Variants in ATP11B observed in about 807,000 individuals in gnomAD.
The protein encoded by ATP11B is phospholipid-transporting ATPase IF.
Under a neutral mutation model 157.8 loss-of-function variants are expected in ATP11B, and 81 were observed. The observed-to-expected ratio is 0.51, with a 90% confidence interval of 0.43 to 0.62. The LOEUF (loss-of-function observed/expected upper bound fraction) is 0.62, where lower values mean the gene tolerates loss of function less well. Among genes scored for constraint, ATP11B ranks in the 20% least tolerant of loss-of-function variants. ATP11B has a pLI of 0.00. For missense variants in ATP11B, 1,165 were observed against 1,402.2 expected, an observed-to-expected ratio of 0.83 and a Z score of 2.70; for synonymous variants, 451 against 469.4, an observed-to-expected ratio of 0.96 and a Z score of 0.51.
At chr3:182,903,493 G>C (rs1724115116) in intron 28 of ATP11B, among the ~76,000 whole-genome samples, 3 of 152,198 alleles carry the variant, frequency 2.0e-5, no homozygotes, top group Admixed American at 1.3e-4. Context: ...AACTCTATGA[G>C]TTCATAATAT....
chr3:182,834,945 T>G (rs533953694), intron 4 of ATP11B, among the ~76,000 whole-genome samples: 1 of 152,360 alleles, frequency 6.6e-6, no homozygotes, highest in African/African-American at 2.4e-5. Flanking sequence ...ATATGTATTA[T>G]ATACTGTATT....
intron 11 of ATP11B, 93 bp from the exon 12 acceptor site, chr3:182,859,069 G>A: frequency 3.7e-6 from 3 of 800,402 alleles, no homozygotes; most frequent in Non-Finnish European, 6.0e-6. Context: ...GATGGTCTAT[G>A]TAGGCATGAA....
At chr3:182,872,931 A>G (rs527623322) in intron 18 of ATP11B, among the ~76,000 whole-genome samples, 5 of 152,124 alleles carry the variant, frequency 3.3e-5, no homozygotes, top group Non-Finnish European at 5.9e-5. Flanking sequence ...TTTTGTGCCT[A>G]TGTTGGCCTT....
chr3:182,806,515 CTCTTT>C (rs1416865054), intron 1 of ATP11B, among the ~76,000 whole-genome samples: 4 of 152,118 alleles, frequency 2.6e-5, no homozygotes, highest in East Asian at 3.9e-4. Context: ...TTCTCTATGG[CTCTTT>C]TCTTATTCTC....
chr3:182,901,844 T>G (rs957489486), intron 28 of ATP11B, among the ~76,000 whole-genome samples: 26 of 152,340 alleles, frequency 1.7e-4, no homozygotes, highest in Middle Eastern at 6.8e-3. Context: ...ATTTAGTCTA[T>G]TTGATTAAAA....
chr3:182,797,706 T>TAAAAAAAGAAAAAAGAAAAAA (rs1715712056), intron 1 of ATP11B, among the ~76,000 whole-genome samples: 1 of 143,724 alleles, frequency 7.0e-6, no homozygotes, highest in African/African-American at 2.8e-5. Context: ...AGACTCTGTC[T>TAAAAAAAGAAAAAAGAAAAAA]CAAAAAAGAA....
intron 2 of ATP11B, among the ~76,000 whole-genome samples, chr3:182,822,352 G>T (rs1026967239): frequency 2.0e-5 from 3 of 152,066 alleles, no homozygotes; most frequent in African/African-American, 7.2e-5. Flanking sequence ...CCACCTATGA[G>T]TGAGAACATG....
chr3:182,905,877 A>T, intron 28 of ATP11B: 1 of 456,698 alleles, frequency 2.2e-6, no homozygotes, highest in Middle Eastern at 3.3e-4. Flanking sequence ...GGCACCTGCT[A>T]GCTGAGGCTT....
chr3:182,839,979 G>A (rs773747012), intron 7 of ATP11B, among the ~76,000 whole-genome samples: 8 of 151,994 alleles, frequency 5.3e-5, no homozygotes, highest in Non-Finnish European at 8.8e-5. Context: ...TATAGTGAAC[G>A]GTATTCTTGA....
At chr3:182,804,702 G>A (rs536798377) in intron 1 of ATP11B, among the ~76,000 whole-genome samples, 1 of 152,196 alleles carries the variant, frequency 6.6e-6, no homozygotes, top group East Asian at 1.9e-4. Flanking sequence ...TCACAGGTTA[G>A]TGTAACCATC....
intron 2 of ATP11B, among the ~76,000 whole-genome samples, chr3:182,824,819 A>G (rs1256164793): frequency 6.6e-6 from 1 of 152,216 alleles, no homozygotes. Flanking sequence ...TTATTCCACA[A>G]ACTCATGTTG....
chr3:182,827,433 G>T (rs1052907391), intron 2 of ATP11B, among the ~76,000 whole-genome samples: 2 of 151,996 alleles, frequency 1.3e-5, no homozygotes, highest in African/African-American at 4.8e-5. Flanking sequence ...AGTGGGACAC[G>T]GAGAGATTAA....
intron 1 of ATP11B, among the ~76,000 whole-genome samples, chr3:182,799,595 C>T (rs1216481888): frequency 1.3e-5 from 2 of 152,090 alleles, no homozygotes; most frequent in African/African-American, 2.4e-5. Context: ...TCATTCTAAG[C>T]AAGATAATAT....
At position 182,869,236 on chromosome 3, in the gene ATP11B, T is replaced by C. The variant is rs1411904573; in HGVS notation, c.1771T>C (p.Leu591=). 1.2e-6 allele frequency: 2 copies of C among 1,608,050 alleles called. No homozygotes were observed. The highest frequency in any genetic ancestry group is 2.7e-5 in the African/African-American group (2 of 74,640). Residue 591 remains leucine, a synonymous_variant, in exon 17 of 30, where the codon TTA becomes CTA. Transcript: ENST00000323116. The part of the protein sequence containing the change: ...VIVQAPSGEK[L]LFAKGAESSI... ...ATTTTTTTTGTCTCTAGGTGAGAAGTTATTATTTGCTAAAGGAGCTGAGTC... is the reference window on the plus strand; with the variant it reads ...ATTTTTTTTGTCTCTAGGTGAGAAGCTATTATTTGCTAAAGGAGCTGAGTC...
At chr3:182,852,581 A>C (rs1720064810) in intron 10 of ATP11B, among the ~76,000 whole-genome samples, 1 of 152,224 alleles carries the variant, frequency 6.6e-6, no homozygotes, top group Non-Finnish European at 1.5e-5. Context: ...AATAGCTTTA[A>C]GTTATTATTT....
chr3:182,920,120 C>G lies in ATP11B; in HGVS notation c.*2016C>G, dbSNP rs1407659159. 6.6e-5 allele frequency: 10 copies of G among 152,140 alleles called. No individual in the cohort carries two copies. The highest frequency in any genetic ancestry group is 2.4e-4 in the African/African-American group (10 of 41,422). 9.4% of individuals were successfully genotyped at this position (152,140 alleles called of 1,614,324 possible). A position where few individuals can be genotyped will look rare whatever the true frequency, so the allele number is the denominator to read the frequency against. On this transcript the variant is annotated 3_prime_UTR_variant, in exon 30 of 30. Transcript: ENST00000323116. ...CATCAAATAAACTGAGTACTGACAC[C>G]AGACAAAGACTCCAAAGTCATAAAA...
chr3:182,808,207 T>G (rs1716445961), intron 1 of ATP11B, among the ~76,000 whole-genome samples: 1 of 152,194 alleles, frequency 6.6e-6, no homozygotes, highest in South Asian at 2.1e-4. Flanking sequence ...ACTATGCTCT[T>G]TAAGGTACGA....
intron 19 of ATP11B, among the ~76,000 whole-genome samples, chr3:182,878,511 G>GT (rs1722202252): frequency 6.6e-6 from 1 of 152,186 alleles, no homozygotes; most frequent in Non-Finnish European, 1.5e-5. Flanking sequence ...GGAGAATTGT[G>GT]GGGGGAAGCA....
At chr3:182,902,737 A>G (rs148787219) in intron 28 of ATP11B, among the ~76,000 whole-genome samples, 1 of 152,214 alleles carries the variant, frequency 6.6e-6, no homozygotes, top group Non-Finnish European at 1.5e-5. Flanking sequence ...CCTAAAAAAA[A>G]AAATCCATTT....
Sources: gnomAD v4.1 joint callset for allele counts (sites outside exome capture counted in the v4.1 genomes callset) on GRCh38, gnomAD v4.1.1 for gene constraint, MANE v1.5 for transcripts, NCBI Gene and HGNC (gene_info 2026-07-23, HGNC 2026-07-21) for gene names.